The following CCDC93 variants were observed in gnomAD, a reference collection of about 807,000 sequenced individuals.
CCDC93 encodes the protein CCC complex scaffolding subunit CCDC93, also known as coiled-coil domain-containing protein 93.
Under a neutral mutation model 108.2 loss-of-function variants are expected in CCDC93, and 61 were observed. The ratio of observed to expected loss-of-function variants is 0.56; its 90% CI spans 0.46 to 0.70. CCDC93 has a LOEUF of 0.70. Among genes scored for constraint, CCDC93 ranks in the 30% least tolerant of loss-of-function variants. CCDC93 has a pLI of 0.00. For synonymous variants in CCDC93, 276 were observed against 260.4 expected, an observed-to-expected ratio of 1.06 and a Z score of -0.58; for missense variants, 685 against 764.2, an observed-to-expected ratio of 0.90 and a Z score of 1.22.
chr2:117,975,334 G>C, intron 8 of CCDC93, 54 bp from the exon 9 acceptor site: 1 of 1,294,450 alleles, frequency 7.7e-7, no homozygotes, highest in Non-Finnish European at 1.1e-6. Context: ...ACTCAGTAGA[G>C]AAAGGACAAT....
intron 23 of CCDC93, among the ~76,000 whole-genome samples, chr2:117,928,592 T>TTAAA (rs1678209404): frequency 6.6e-6 from 1 of 152,128 alleles, no homozygotes; most frequent in Admixed American, 6.5e-5. Flanking sequence ...ATGGCAATCA[T>TTAAA]TAAAAAGTCA....
At chr2:117,962,699 T>C (rs777170506) in intron 11 of CCDC93, among the ~76,000 whole-genome samples, 4 of 152,178 alleles carry the variant, frequency 2.6e-5, no homozygotes, top group African/African-American at 4.8e-5. Flanking sequence ...TTAAAAATGT[T>C]TTTAAATCTA....
rs774735260 is a variant in CCDC93 at position 117,949,302 on chromosome 2, C to A, written c.1142+20G>T. ...TCACTTTCATCAAAGCAAAAATAAG[C>A]ACATGCTGAAACCTCTTACCTTGGA... On this transcript the variant is annotated intron_variant, in intron 14 of 23. Transcript: ENST00000376300. 1 of 1,553,178 alleles carries A rather than the reference C, an allele frequency of 6.4e-7. No individual in the cohort carries two copies. Among genetic ancestry groups the A allele is most frequent in the Non-Finnish European group, 8.9e-7 (1 of 1,126,290 alleles).
rs1679290778 is a variant in CCDC93, at chr2:117,958,559, T to A, written c.889-78A>T. 9.1e-6 allele frequency: 8 copies of A among 876,984 alleles called. No individual in the cohort carries two copies. In the Admixed American group the frequency reaches 1.4e-4, roughly 15 times the overall value. 54.3% of individuals were successfully genotyped at this position (876,984 alleles called of 1,614,324 possible). On this transcript the variant is annotated intron_variant, in intron 11 of 23. Coordinates refer to ENST00000376300, the MANE Select transcript of CCDC93 (RefSeq NM_019044.5). ...TCATGTAATCAAGCCCTGTTCAATG[T>A]GGGCAAAGCAGTACTGGGCAGCCAG...
intron 6 of CCDC93, among the ~76,000 whole-genome samples, chr2:117,994,134 A>G (rs961103387): frequency 2.0e-5 from 3 of 152,236 alleles, no homozygotes; most frequent in Admixed American, 6.5e-5. Context: ...AAAAATGCAC[A>G]ATAAAAACAT....
At chr2:117,985,153 A>G (rs1330245371) in intron 7 of CCDC93, among the ~76,000 whole-genome samples, 1 of 152,072 alleles carries the variant, frequency 6.6e-6, no homozygotes, top group East Asian at 1.9e-4. Context: ...AAACAAAAAA[A>G]AAAAAACATA....
intron 11 of CCDC93, among the ~76,000 whole-genome samples, chr2:117,964,587 C>A (rs756808210): frequency 6.6e-6 from 1 of 151,986 alleles, no homozygotes; most frequent in Non-Finnish European, 1.5e-5. Context: ...CACTGAAGAG[C>A]CTCTTTTAAG....
At chr2:118,008,949 A>G in intron 1 of CCDC93, 1 of 279,520 alleles carries the variant, frequency 3.6e-6, no homozygotes, top group Non-Finnish European at 6.7e-6. Context: ...TCCAGGGAAA[A>G]GGAAGGTTAG....
At chr2:117,968,769 C>T (rs1256817179) in intron 11 of CCDC93, among the ~76,000 whole-genome samples, 2 of 152,154 alleles carry the variant, frequency 1.3e-5, no homozygotes, top group African/African-American at 4.8e-5. Context: ...ATCCTCCCCG[C>T]AAATTATCCT....
At chr2:117,930,832 T>A (rs1019589) in intron 23 of CCDC93, 157,394 of 474,520 alleles carry the variant, frequency 0.33, 28,549 homozygotes, top group African/African-American at 0.49. Flanking sequence ...TCTTAAAACA[T>A]TTAATTAGAC....
chr2:117,981,138 G>T (rs1439885819), intron 7 of CCDC93, among the ~76,000 whole-genome samples: 1 of 152,072 alleles, frequency 6.6e-6, no homozygotes, highest in African/African-American at 2.4e-5. Flanking sequence ...ATTATGAATT[G>T]CTAAATTCAT....
At chr2:117,952,975 C>A (rs1679106824) in intron 12 of CCDC93, among the ~76,000 whole-genome samples, 1 of 152,192 alleles carries the variant, frequency 6.6e-6, no homozygotes, top group Admixed American at 6.5e-5. Flanking sequence ...TTTTACTGTT[C>A]CAACTTACAT....
At chr2:117,926,020 AG>A (rs1236246982) in intron 23 of CCDC93, among the ~76,000 whole-genome samples, 3 of 152,170 alleles carry the variant, frequency 2.0e-5, no homozygotes, top group Non-Finnish European at 4.4e-5. Context: ...GAATGACTAC[AG>A]GGTACATAAC....
intron 11 of CCDC93, among the ~76,000 whole-genome samples, chr2:117,969,562 C>T (rs762138743): frequency 6.6e-6 from 1 of 152,226 alleles, no homozygotes; most frequent in Non-Finnish European, 1.5e-5. Context: ...CAGCCCCTGA[C>T]GTCTGAAAGC....
rs1452770905 is a variant in CCDC93 at position 118,006,714 on chromosome 2, A to G, written c.251+8T>C. On this transcript the variant is annotated splice_region_variant and intron_variant, in intron 3 of 23. Transcript: ENST00000376300. ...CCCCACCTTTAGGTTTTCCATAGAA[A>G]AACTTACATTTTTTGACCTATCGTA... 5 of 1,573,294 alleles carry G rather than the reference A, an allele frequency of 3.2e-6. No homozygotes were observed. Among genetic ancestry groups the G allele is most frequent in the African/African-American group, 1.3e-5 (1 of 74,130 alleles).
At chr2:117,993,132 CA>C (rs887982374) in intron 6 of CCDC93, among the ~76,000 whole-genome samples, 2 of 152,152 alleles carry the variant, frequency 1.3e-5, no homozygotes, top group Admixed American at 6.5e-5. Flanking sequence ...CACTGTGGCT[CA>C]CGCCTGTAAT....
intron 3 of CCDC93, among the ~76,000 whole-genome samples, chr2:118,001,464 A>C (rs541793640): frequency 6.6e-6 from 1 of 152,362 alleles, no homozygotes; most frequent in East Asian, 1.9e-4. Flanking sequence ...ATATTTTTAA[A>C]ATAAATAGTA....
At chr2:117,922,284 C>T (rs1391862598) in intron 23 of CCDC93, among the ~76,000 whole-genome samples, 4 of 152,086 alleles carry the variant, frequency 2.6e-5, no homozygotes, top group Admixed American at 2.6e-4. Flanking sequence ...GTATGTGAGC[C>T]TACAGAATCA....
chr2:117,991,093 A>C (rs1353266788), intron 6 of CCDC93, among the ~76,000 whole-genome samples: 2 of 152,248 alleles, frequency 1.3e-5, no homozygotes, highest in Non-Finnish European at 2.9e-5. Flanking sequence ...GGATGGCTAA[A>C]GACAATAAGC....
Sources: allele counts gnomAD v4.1 joint callset (sites outside exome capture counted in the v4.1 genomes callset), GRCh38; gene constraint gnomAD v4.1.1; transcripts MANE v1.5; gene names NCBI Gene and HGNC (gene_info 2026-07-23, HGNC 2026-07-21).